Variants in CBFA2T2 observed in about 807,000 individuals in gnomAD.
CBFA2T2 encodes CBFA2/RUNX1 partner transcriptional co-repressor 2.
Under a neutral mutation model 62.2 loss-of-function variants are expected in CBFA2T2, and 11 were observed. That is an observed-to-expected ratio of 0.18 (90% CI 0.11 to 0.29). The LOEUF is 0.29. Among genes scored for constraint, CBFA2T2 ranks in the 10% least tolerant of loss-of-function variants. The pLI is 1.00. For synonymous variants in CBFA2T2, 295 were observed against 287.5 expected (o/e 1.03, Z -0.27); for missense variants, 592 against 774.1 (o/e 0.76, Z 2.79).
chr20:33,556,618 A>G (rs2012902711), intron 1 of CBFA2T2, among the ~76,000 whole-genome samples: 1 of 151,772 alleles, frequency 6.6e-6, no homozygotes, highest in African/African-American at 2.4e-5. Flanking sequence ...TTTTTTTTGT[A>G]GAGACAAGGT....
At chr20:33,573,856 C>G (rs140404233) in intron 1 of CBFA2T2, 7 of 237,194 alleles carry the variant, frequency 3.0e-5, no homozygotes, top group Non-Finnish European at 5.8e-5. Flanking sequence ...TCATGGCTCA[C>G]TGCAGCCTTG....
chr20:33,539,161 A>C, intron 1 of CBFA2T2, among the ~76,000 whole-genome samples: 1 of 152,186 alleles, frequency 6.6e-6, no homozygotes, highest in East Asian at 1.9e-4. Context: ...GTGTCTGTAT[A>C]ATCTTGGGCA....
chr20:33,539,287 C>T (rs1332807385), intron 1 of CBFA2T2, among the ~76,000 whole-genome samples: 1 of 152,194 alleles, frequency 6.6e-6, no homozygotes, highest in East Asian at 1.9e-4. Flanking sequence ...CATGTGCCTG[C>T]AACACAGTGT....
intron 1 of CBFA2T2, among the ~76,000 whole-genome samples, chr20:33,554,589 C>CT (rs1290014978): frequency 1.6e-5 from 2 of 125,058 alleles, no homozygotes; most frequent in Non-Finnish European, 1.7e-5. Context: ...TTTCCTTTTC[C>CT]TTTTTCTTTT....
At chr20:33,564,032 C>T (rs889442794) in intron 1 of CBFA2T2, among the ~76,000 whole-genome samples, 1 of 152,154 alleles carries the variant, frequency 6.6e-6, no homozygotes, top group Non-Finnish European at 1.5e-5. Context: ...TTGTTCCCCC[C>T]ACTCCGCGAC....
rs1337355261 is a variant in CBFA2T2, at chr20:33,626,838, C to T, written c.947-1512C>T. Among the ~76,000 whole-genome samples, 3 of 152,224 alleles carry T rather than the reference C, an allele frequency of 2.0e-5. No individual in the cohort carries two copies. In the East Asian group the frequency reaches 5.8e-4, roughly 29 times the overall value. On this transcript the variant is annotated intron_variant, in intron 6 of 10. Transcript: ENST00000342704. ...GCAGCCATGGTGTTCTCAGAGCCAA[C>T]ATTTACTGAGTCGTAGCTACCACTT...
At chr20:33,585,470 G>A (rs1352339175) in intron 1 of CBFA2T2, among the ~76,000 whole-genome samples, 1 of 152,072 alleles carries the variant, frequency 6.6e-6, no homozygotes, top group Non-Finnish European at 1.5e-5. Flanking sequence ...TTGAATGAAT[G>A]ATCCTTCATA....
intron 1 of CBFA2T2, among the ~76,000 whole-genome samples, chr20:33,535,102 C>T (rs1207548367): frequency 6.6e-6 from 1 of 152,158 alleles, no homozygotes; most frequent in East Asian, 1.9e-4. Flanking sequence ...TGCTGGGCAT[C>T]CTGCCATTTA....
intron 1 of CBFA2T2, among the ~76,000 whole-genome samples, chr20:33,546,572 A>G (rs6120300): frequency 0.043 from 6,489 of 151,492 alleles, 486 homozygotes; most frequent in African/African-American, 0.15. Context: ...CTCTGCAGGC[A>G]TATGTTCCAC....
At chr20:33,529,743 TTATA>T (rs139769122) in intron 1 of CBFA2T2, among the ~76,000 whole-genome samples, 380 of 3,904 alleles carry the variant, frequency 0.097, 3 homozygotes, top group African/African-American at 0.12. Flanking sequence ...AAGAAAGCAG[TTATA>T]TATATATATA....
chr20:33,595,006 A>G (rs534788977), intron 1 of CBFA2T2, among the ~76,000 whole-genome samples: 1 of 152,228 alleles, frequency 6.6e-6, no homozygotes, highest in African/African-American at 2.4e-5. Context: ...GCAACAATCC[A>G]TATTTCATTT....
intron 1 of CBFA2T2, among the ~76,000 whole-genome samples, chr20:33,599,024 G>A (rs1469876626): frequency 6.6e-6 from 1 of 151,548 alleles, no homozygotes; most frequent in Non-Finnish European, 1.5e-5. Flanking sequence ...ACTTTGGGAG[G>A]CCGAGGCAGG....
At chr20:33,584,775 CAG>C (rs1338329653) in intron 1 of CBFA2T2, among the ~76,000 whole-genome samples, 1 of 152,102 alleles carries the variant, frequency 6.6e-6, no homozygotes, top group Non-Finnish European at 1.5e-5. Context: ...AGGTTGGAGA[CAG>C]AGGCAGACTT....
chr20:33,644,244 C>G, intron 10 of CBFA2T2, 103 bp from the exon 11 acceptor site: 1 of 1,319,950 alleles, frequency 7.6e-7, no homozygotes, highest in Non-Finnish European at 1.0e-6. Flanking sequence ...AGTTCCAAAG[C>G]TGGGGTTCTC....
Position 33,490,097 on chromosome 20 carries a change from G to GCGGCGGCGGCGA in CBFA2T2, c.-165_-154dup. On this transcript the variant is annotated 5_prime_UTR_variant, in exon 1 of 11. Coordinates refer to ENST00000342704, the MANE Select transcript of CBFA2T2 (RefSeq NM_001032999.3). ...GGCGGGGCGCGGCCTAACGGCGGCGGCGGCGGCGGCGACGGCGACAGCAGC... is the reference window on the plus strand; with the variant it reads ...GGCGGGGCGCGGCCTAACGGCGGCGGCGGCGGCGGCGACGGCGGCGGCGACGGCGACAGCAGC... 1.6e-6 allele frequency: 1 copy of GCGGCGGCGGCGA among 614,322 alleles called. No homozygotes were observed. Among genetic ancestry groups the GCGGCGGCGGCGA allele is most frequent in the Non-Finnish European group, 2.1e-6 (1 of 467,364 alleles). The allele number at this position is 614,322 out of a possible 1,614,324, so 38.1% of individuals were successfully genotyped here. A position where few individuals can be genotyped will look rare whatever the true frequency, so the allele number is the denominator to read the frequency against.
At chr20:33,621,335 G>A (rs1212820527) in intron 4 of CBFA2T2, among the ~76,000 whole-genome samples, 3 of 95,030 alleles carry the variant, frequency 3.2e-5, no homozygotes, top group African/African-American at 4.0e-5. Context: ...ATCTCGCCCT[G>A]TTGCCCAGGC....
chr20:33,533,696 G>A lies in CBFA2T2; in HGVS notation c.34+43395G>A, dbSNP rs114877179. 3.4e-3 allele frequency among the ~76,000 whole-genome samples: 523 copies of A among 152,012 alleles called. 3 individuals carry two copies. The highest frequency in any genetic ancestry group is 0.012 in the African/African-American group (501 of 41,472). On this transcript the variant is annotated intron_variant, in intron 1 of 10. Transcript: ENST00000342704. ...AAAAAAAAAAGCACAGATGGGAACC[G>A]GGCGTGGTGGCTCATGCCTGTAATC... is the stretch of plus-strand genomic sequence containing the variant.
chr20:33,516,080 A>G (rs2011595121), intron 1 of CBFA2T2, among the ~76,000 whole-genome samples: 1 of 151,312 alleles, frequency 6.6e-6, no homozygotes, highest in African/African-American at 2.4e-5. Context: ...GGCTGGAGTG[A>G]CCTGTGATCA....
intron 8 of CBFA2T2, among the ~76,000 whole-genome samples, chr20:33,633,200 G>A (rs1277855153): frequency 6.6e-6 from 1 of 151,872 alleles, no homozygotes; most frequent in Admixed American, 6.6e-5. Context: ...TCAAAACACT[G>A]TCTCTACTAA....
Sources: allele counts gnomAD v4.1 joint callset (sites outside exome capture counted in the v4.1 genomes callset), GRCh38; gene constraint gnomAD v4.1.1; transcripts MANE v1.5; gene names NCBI Gene and HGNC (gene_info 2026-07-23, HGNC 2026-07-21).